HDGF: variants seen among roughly 807,000 people sequenced by gnomAD.
HDGF encodes heparin binding growth factor.
A neutral mutation model predicts 30.0 loss-of-function variants in HDGF; 5 were observed. The observed-to-expected ratio is 0.17, with a 90% CI of 0.09 to 0.35. The LOEUF is 0.35. HDGF is among the 10% of genes least tolerant of loss of function. The pLI is 1.00. For missense variants in HDGF, 214 were observed against 302.8 expected (o/e 0.71, Z 2.18); for synonymous variants, 133 against 112.7 (o/e 1.18, Z -1.14).
chr1:156,756,347 A>G (rs1277782424), upstream of HDGF, among the ~76,000 whole-genome samples: 1 of 152,204 alleles, frequency 6.6e-6, no homozygotes, highest in Non-Finnish European at 1.5e-5. Flanking sequence ...TTATTGTTAT[A>G]TTAGATTTTG....
chr1:156,754,971 T>C (rs1473726058), upstream of HDGF, among the ~76,000 whole-genome samples: 1 of 151,970 alleles, frequency 6.6e-6, no homozygotes, highest in Non-Finnish European at 1.5e-5. Flanking sequence ...AAACAAAAAG[T>C]AGATTCTAAT....
rs562259611 is a variant in HDGF, at chr1:156,743,746, G to C, written c.622C>G (p.Arg208Gly). 5 of 1,600,028 alleles carry C rather than the reference G, an allele frequency of 3.1e-6. No individual in the cohort carries two copies. Among genetic ancestry groups the C allele is most frequent in the Non-Finnish European group, 4.3e-6 (5 of 1,173,418 alleles). ...TCTTCTTCCTCTTGGGGAGGCCCCC[G>C]GCCAGAGCCGGGCTCAGAGGGGGTG... The part of the protein sequence containing the change: ...NSTPSEPGSG[R>G]GPPQEEEEEE... Residue 208 changes from arginine (R) to glycine (G), a missense_variant, in exon 5 of 6, where the codon CGG (arginine) becomes GGG (glycine). Around this residue, in one of 2 missense-constraint regions of HDGF, gnomAD observed 176 missense variants for 211.7 expected, o/e 0.83. Coordinates refer to ENST00000357325, the MANE Select transcript of HDGF (RefSeq NM_004494.3).
chr1:156,743,861 G>C lies in HDGF; in HGVS notation c.507C>G (p.Pro169=). The change falls in exon 5 of 6, where the codon CCC becomes CCG. Residue 169 remains proline, a synonymous_variant. Coordinates refer to ENST00000357325, the MANE Select transcript of HDGF (RefSeq NM_004494.3). ...CTCCTTCAGGGTTTTCTGCCTCCTTGGGACGTTTAGGAGAGTCCTAGGCAG... is the reference window on the plus strand; with the variant it reads ...CTCCTTCAGGGTTTTCTGCCTCCTTCGGACGTTTAGGAGAGTCCTAGGCAG... ...GDLLEDSPKR[P]KEAENPEGEE... 3 of 1,613,448 alleles carry C rather than the reference G, an allele frequency of 1.9e-6. No individual in the cohort carries two copies. The highest frequency in any genetic ancestry group is 2.5e-6 in the Non-Finnish European group (3 of 1,179,552).
chr1:156,759,781 C>T (rs1651217382), intron 1 of HDGF, among the ~76,000 whole-genome samples: 1 of 152,098 alleles, frequency 6.6e-6, no homozygotes, highest in Admixed American at 6.6e-5. Flanking sequence ...TGCCCAGTCA[C>T]CCCATTCATT....
upstream of HDGF, among the ~76,000 whole-genome samples, chr1:156,755,857 A>G (rs931194506): frequency 1.3e-5 from 2 of 152,186 alleles, no homozygotes; most frequent in Non-Finnish European, 2.9e-5. Context: ...CACCATGGAC[A>G]CTTTGTGTGT....
At chr1:156,743,605 C>T in intron 5 of HDGF, 47 bp downstream of exon 5, 9 of 1,560,266 alleles carry the variant, frequency 5.8e-6, no homozygotes, top group African/African-American at 1.4e-5. Flanking sequence ...CCGAGAGTGG[C>T]CGGTCCCCCC....
At chr1:156,762,697 T>G (rs1651270770) in intron 1 of HDGF, among the ~76,000 whole-genome samples, 1 of 151,594 alleles carries the variant, frequency 6.6e-6, no homozygotes, top group Non-Finnish European at 1.5e-5. Context: ...ATGGAGAAAC[T>G]CCATCTCTAC....
chr1:156,762,437 CTGTT>C (rs1308053428), intron 1 of HDGF, among the ~76,000 whole-genome samples: 1 of 151,986 alleles, frequency 6.6e-6, no homozygotes, highest in Admixed American at 6.6e-5. Flanking sequence ...GCAGAGTGGC[CTGTT>C]TGTTTTATCT....
upstream of HDGF, among the ~76,000 whole-genome samples, chr1:156,752,804 G>A (rs1432546956): frequency 2.0e-5 from 3 of 152,028 alleles, no homozygotes; most frequent in Non-Finnish European, 4.4e-5. Flanking sequence ...CTTATGTTAC[G>A]GCATATACAC....
At chr1:156,743,607 G>A (rs749236035) in intron 5 of HDGF, 45 bp downstream of exon 5, 33 of 1,555,624 alleles carry the variant, frequency 2.1e-5, no homozygotes, top group East Asian at 6.7e-5. Flanking sequence ...GAGAGTGGCC[G>A]GTCCCCCCTA....
At chr1:156,745,524 T>G in intron 1 of HDGF, 151 bp from the exon 2 acceptor site, 1 of 626,766 alleles carries the variant, frequency 1.6e-6, no homozygotes, top group Non-Finnish European at 2.8e-6. Context: ...TTTTTAGCAG[T>G]GACACTTTAT....
chr1:156,749,228 C>T (rs1204637593), intron 1 of HDGF, among the ~76,000 whole-genome samples: 4 of 152,234 alleles, frequency 2.6e-5, no homozygotes, highest in African/African-American at 9.6e-5. Context: ...GGAAAATCCA[C>T]ACACGGGCCT....
chr1:156,746,201 A>C (rs1012425498), intron 1 of HDGF, among the ~76,000 whole-genome samples: 1 of 152,188 alleles, frequency 6.6e-6, no homozygotes, highest in African/African-American at 2.4e-5. Flanking sequence ...CTAATTTTAC[A>C]CTGATTCACA....
chr1:156,745,301 C>T lies in HDGF; in HGVS notation c.160G>A (p.Glu54Lys). The T allele has an allele frequency of 6.2e-7, 1 of 1,613,782 alleles. No individual in the cohort carries two copies. The highest frequency in any genetic ancestry group is 8.5e-7 in the Non-Finnish European group (1 of 1,179,944). ...ACCCCTTTGGCCTCCACTCACGTCTCGTGGGTCCCGAAAAAAAAGACTTGG... is the reference window on the plus strand; with the variant it reads ...ACCCCTTTGGCCTCCACTCACGTCTTGTGGGTCCCGAAAAAAAAGACTTGG... ...KYQVFFFGTH[E>K]TAFLGPKDLF... is the part of the protein sequence containing the mutation. The change falls in exon 2 of 6, where the codon GAG (glutamate) becomes AAG (lysine). Residue 54 changes from glutamate to lysine, a missense_variant. Transcript: ENST00000357325.
At chr1:156,761,804 G>A (rs1392030018) in intron 1 of HDGF, among the ~76,000 whole-genome samples, 6 of 149,534 alleles carry the variant, frequency 4.0e-5, no homozygotes, top group South Asian at 2.1e-4. Flanking sequence ...AAAATTAGCC[G>A]GGCGTGGTGG....
chr1:156,752,547 T>G (rs1651046962), upstream of HDGF: 1 of 611,252 alleles, frequency 1.6e-6, no homozygotes. Flanking sequence ...GGGAGGGGGG[T>G]CTGGGAAGGC....
chr1:156,754,194 G>A (rs1242346168), upstream of HDGF, among the ~76,000 whole-genome samples: 1 of 152,232 alleles, frequency 6.6e-6, no homozygotes, highest in Non-Finnish European at 1.5e-5. Context: ...GATTATAGGC[G>A]TGAGCAACCG....
chr1:156,746,638 G>A (rs1229908694), intron 1 of HDGF, among the ~76,000 whole-genome samples: 1 of 152,228 alleles, frequency 6.6e-6, no homozygotes, highest in Non-Finnish European at 1.5e-5. Context: ...GGAATCCAGA[G>A]GCAGTGGCCT....
At chr1:156,746,576 C>A (rs1650561347) in intron 1 of HDGF, among the ~76,000 whole-genome samples, 1 of 152,216 alleles carries the variant, frequency 6.6e-6, no homozygotes, top group South Asian at 2.1e-4. Context: ...CACGTGTCCC[C>A]GTGGTGAGAA....
Sources: allele counts gnomAD v4.1 joint callset (sites outside exome capture counted in the v4.1 genomes callset), GRCh38; gene constraint gnomAD v4.1.1; regional missense constraint gnomAD v4.1.1; transcripts MANE v1.5; gene names NCBI Gene and HGNC (gene_info 2026-07-23, HGNC 2026-07-21).